Variants in CCDC88A observed in about 807,000 individuals in gnomAD.
CCDC88A encodes girdin.
A neutral mutation model predicts 234.3 loss-of-function variants in CCDC88A; 54 were observed. That is an observed-to-expected ratio of 0.23 (90% CI 0.19 to 0.29). CCDC88A has a LOEUF of 0.29. CCDC88A is among the 10% of genes least tolerant of loss of function. CCDC88A has a pLI of 1.00. For missense variants in CCDC88A, 1,832 were observed against 2,123.4 expected (o/e 0.86, Z 2.70); for synonymous variants, 753 against 737.8 (o/e 1.02, Z -0.33).
chr2:55,353,055 T>C (rs574085013), intron 8 of CCDC88A, among the ~76,000 whole-genome samples: 70 of 152,312 alleles, frequency 4.6e-4, no homozygotes, highest in Middle Eastern at 6.8e-3. Flanking sequence ...AAAAGCTAGT[T>C]ACCGGGAATA....
At chr2:55,380,129 G>C (rs949533133) in intron 3 of CCDC88A, among the ~76,000 whole-genome samples, 1 of 149,764 alleles carries the variant, frequency 6.7e-6, no homozygotes, top group Non-Finnish European at 1.5e-5. Flanking sequence ...CCAGCTACTC[G>C]GGAGGCTGAG....
intron 2 of CCDC88A, among the ~76,000 whole-genome samples, chr2:55,402,784 C>A (rs1412466733): frequency 6.7e-6 from 1 of 149,856 alleles, no homozygotes; most frequent in Non-Finnish European, 1.5e-5. Flanking sequence ...CCAAGGCAGG[C>A]GGATCACAAG....
intron 13 of CCDC88A, 26 bp downstream of exon 13, chr2:55,339,438 A>T: frequency 6.9e-7 from 1 of 1,455,212 alleles, no homozygotes. Flanking sequence ...TTTTAACATT[A>T]AAATAAACAC....
chr2:55,363,996 C>T lies in CCDC88A; in HGVS notation c.440G>A (p.Gly147Asp), dbSNP rs769345484. Reference sequence around the variant, plus strand: ...CGCTGCTTTTGTATCAAAATCTAAACCTTGAATTCTTTCAATAAATTCCTC... The same window carrying T: ...CGCTGCTTTTGTATCAAAATCTAAATCTTGAATTCTTTCAATAAATTCCTC... ...KKEEFIERIQ[G>D]LDFDTKAAVA... Residue 147 changes from glycine (G) to aspartate (D), a missense_variant, in exon 6 of 33, where the codon GGT becomes GAT. This residue lies in a region of CCDC88A where 1,282 missense variants were observed against 1,543.6 expected (regional missense o/e 0.83). Transcript: ENST00000436346. 6.3e-7 allele frequency: 1 copy of T among 1,594,836 alleles called. No homozygotes were observed. The highest frequency in any genetic ancestry group is 8.6e-7 in the Non-Finnish European group (1 of 1,167,316).
At chr2:55,346,110 AT>A in intron 10 of CCDC88A, 64 bp downstream of exon 10, 2 of 1,152,848 alleles carry the variant, frequency 1.7e-6, no homozygotes, top group Non-Finnish European at 2.5e-6. Context: ...TATTAACTGC[AT>A]TTTAAATGTG....
chr2:55,357,702 C>T (rs984306501), intron 7 of CCDC88A, among the ~76,000 whole-genome samples: 8 of 152,080 alleles, frequency 5.3e-5, no homozygotes, highest in Non-Finnish European at 1.2e-4. Flanking sequence ...ATCTGCCTTC[C>T]CTGAATCATT....
intron 28 of CCDC88A, chr2:55,300,851 T>A (rs1257101818): frequency 5.8e-6 from 1 of 173,848 alleles, no homozygotes; most frequent in African/African-American, 2.4e-5. Context: ...AAAACAGATA[T>A]TTTTAATATT....
chr2:55,303,132 G>A lies in CCDC88A; in HGVS notation c.4408C>T (p.Pro1470Ser). The A allele has an allele frequency of 6.4e-7, 1 of 1,551,026 alleles. No homozygotes were observed. Among genetic ancestry groups the A allele is most frequent in the Non-Finnish European group, 8.7e-7 (1 of 1,146,202 alleles). ...KSSMVALKRL[P>S]FLRNRPKDKD... is the part of the protein sequence containing the mutation. ...TCCTTCGGTCTGTTCCTCAAAAAGG[G>A]CAGTCTTTTCAGTGCAACCACTTTA... Residue 1470 changes from proline to serine, a missense_variant, in exon 26 of 33, where the codon CCC becomes TCC. Around this residue, in one of 6 missense-constraint regions of CCDC88A, gnomAD observed 1,282 missense variants for 1,543.6 expected, o/e 0.83. Coordinates refer to ENST00000436346, the MANE Select transcript of CCDC88A (RefSeq NM_001365480.1).
Position 55,309,135 on chromosome 2 carries a change from G to C in CCDC88A, c.4172+27C>G, listed in dbSNP as rs367996708. ...AACCTAGTGTTTTTTTTCAGAATAA[G>C]AATTCATAAAATTTGGTTAATGGTA... On this transcript the variant is annotated intron_variant, in intron 24 of 32. Coordinates refer to ENST00000436346, the MANE Select transcript of CCDC88A (RefSeq NM_001365480.1). This position sits in a 1 kb window ranked among gnomAD's most constrained non-coding sequence, Gnocchi z 5.1. The C allele has an allele frequency of 7.6e-6, 11 of 1,455,438 alleles. No homozygotes were observed. The highest frequency in any genetic ancestry group is 1.4e-5 in the African/African-American group (1 of 71,130). 90.2% of individuals were successfully genotyped at this position (1,455,438 alleles called of 1,614,324 possible). A position where few individuals can be genotyped will look rare whatever the true frequency, so the allele number is the denominator to read the frequency against.
At position 55,328,202 on chromosome 2, in the gene CCDC88A, T is replaced by C. The variant is rs557066527; in HGVS notation, c.2997+92A>G. ...AGAAATAGACTAAATATCAATAAAA[T>C]GTTTATATTTTTATTTTCTACTTTA... is the stretch of plus-strand genomic sequence containing the variant. On this transcript the variant is annotated intron_variant, in intron 17 of 32. Coordinates refer to ENST00000436346, the MANE Select transcript of CCDC88A (RefSeq NM_001365480.1). This position sits in a 1 kb window ranked among gnomAD's most constrained non-coding sequence, Gnocchi z 4.3. 1.0e-5 allele frequency: 10 copies of C among 966,134 alleles called. No individual in the cohort carries two copies. Among genetic ancestry groups the C allele is most frequent in the Non-Finnish European group, 1.5e-5 (10 of 655,742 alleles). 59.8% of individuals were successfully genotyped at this position (966,134 alleles called of 1,614,324 possible). A position where few individuals can be genotyped will look rare whatever the true frequency, so the allele number is the denominator to read the frequency against.
intron 2 of CCDC88A, among the ~76,000 whole-genome samples, chr2:55,403,097 A>G (rs1160099414): frequency 6.6e-6 from 1 of 152,190 alleles, no homozygotes; most frequent in Non-Finnish European, 1.5e-5. Context: ...CATGTTTTCT[A>G]TAAATCAAAT....
intron 16 of CCDC88A, among the ~76,000 whole-genome samples, chr2:55,331,461 T>G (rs1684905151): frequency 6.6e-6 from 1 of 152,170 alleles, no homozygotes; most frequent in Non-Finnish European, 1.5e-5. Context: ...TCCTATGTAA[T>G]CACCATTAAT....
In CCDC88A at chr2:55,334,604, C is replaced by G; in HGVS notation, c.2217G>C (p.Lys739Asn). 6.2e-7 allele frequency: 1 copy of G among 1,613,552 alleles called. No individual in the cohort carries two copies. The highest frequency in any genetic ancestry group is 8.5e-7 in the Non-Finnish European group (1 of 1,179,840). The change falls in exon 15 of 33, where the codon AAG (lysine) becomes AAC (asparagine). Residue 739 changes from lysine to asparagine, a missense_variant. Physicochemically the swap from Lys to Asn is moderately conservative, Grantham distance 94. Around this residue, in one of 6 missense-constraint regions of CCDC88A, gnomAD observed 1,282 missense variants for 1,543.6 expected, o/e 0.83. Transcript: ENST00000436346. The surrounding 1 kb of genome is among the most constrained non-coding windows in gnomAD (Gnocchi z 6.1). ...AAGATGCTTTCAGGAGCTCCAAACC[C>G]TTCTTAAGTTGCTCTTTTTCACTTT... ...ELESEKEQLK[K>N]GLELLKASFK...
intron 3 of CCDC88A, among the ~76,000 whole-genome samples, chr2:55,379,604 T>G (rs902106538): frequency 1.3e-5 from 2 of 152,176 alleles, no homozygotes; most frequent in African/African-American, 4.8e-5. Flanking sequence ...AACAAGTAAG[T>G]GTTTTTGGTG....
intron 3 of CCDC88A, among the ~76,000 whole-genome samples, chr2:55,387,779 C>CAAAAAAAAAAAAAAAAAAAAGAAAAA (rs1675923700): frequency 1.5e-5 from 1 of 64,852 alleles, no homozygotes; most frequent in Non-Finnish European, 3.0e-5. Flanking sequence ...GGCTCCATCT[C>CAAAAAAAAAAAAAAAAAAAAGAAAAA]AAAAAAAAAA....
At chr2:55,326,458 C>T (rs1158360363) in intron 17 of CCDC88A, among the ~76,000 whole-genome samples, 1 of 152,154 alleles carries the variant, frequency 6.6e-6, no homozygotes, top group Non-Finnish European at 1.5e-5. Flanking sequence ...AAAGTGAATA[C>T]CTCTTCACAT....
Position 55,287,971 on chromosome 2 carries a change from C to CATG in CCDC88A, c.*3228_*3229insCAT, listed in dbSNP as rs1679188947. On this transcript the variant is annotated 3_prime_UTR_variant, in exon 33 of 33. Transcript: ENST00000436346. ...TTTTAAAAAACAAACAGTGGTATCTCTTGTCATGAGTTGGATGCCTGTGAC... is the reference window on the plus strand; with the variant it reads ...TTTTAAAAAACAAACAGTGGTATCTCATGTTGTCATGAGTTGGATGCCTGTGAC... 1.3e-5 allele frequency: 2 copies of CATG among 152,558 alleles called. No individual in the cohort carries two copies. Among genetic ancestry groups the CATG allele is most frequent in the Admixed American group, 6.6e-5 (1 of 15,256 alleles). 9.5% of individuals were successfully genotyped at this position (152,558 alleles called of 1,614,324 possible). A position where few individuals can be genotyped will look rare whatever the true frequency, so the allele number is the denominator to read the frequency against.
At chr2:55,372,233 T>G (rs761334358) in intron 5 of CCDC88A, among the ~76,000 whole-genome samples, 4 of 152,118 alleles carry the variant, frequency 2.6e-5, no homozygotes, top group Non-Finnish European at 5.9e-5. Flanking sequence ...AATTAAATAT[T>G]TTAAATGATA....
chr2:55,400,645 T>C (rs1452256691), intron 2 of CCDC88A, among the ~76,000 whole-genome samples: 1 of 152,224 alleles, frequency 6.6e-6, no homozygotes, highest in Non-Finnish European at 1.5e-5. Flanking sequence ...ACTCTGAGAT[T>C]TGGTCCTTGT....
Sources: allele counts gnomAD v4.1 joint callset (sites outside exome capture counted in the v4.1 genomes callset), GRCh38; gene constraint gnomAD v4.1.1; regional missense constraint gnomAD v4.1.1; non-coding constraint Gnocchi (gnomAD v3.1); transcripts MANE v1.5; gene names NCBI Gene and HGNC (gene_info 2026-07-23, HGNC 2026-07-21).